SRGAP2B: variants seen among roughly 807,000 people sequenced by gnomAD.
SRGAP2B encodes SLIT-ROBO Rho GTPase activating protein 2B.
SRGAP2B carries 9 observed loss-of-function variants against 22.2 expected under a neutral mutation model. That is an observed-to-expected ratio of 0.41 (90% CI 0.24 to 0.71). The LOEUF (loss-of-function observed/expected upper bound fraction) is 0.71, where lower values mean the gene tolerates loss of function less well. SRGAP2B is among the 30% of genes least tolerant of loss of function. The pLI, the probability that SRGAP2B is intolerant of heterozygous loss-of-function variation, is 0.35. For missense variants in SRGAP2B, 114 were observed against 235.8 expected, an observed-to-expected ratio of 0.48 and a Z score of 3.38; for synonymous variants, 36 against 87.4, an observed-to-expected ratio of 0.41 and a Z score of 3.28.
chr1:145,019,708 G>T (rs1333444274), intron 2 of SRGAP2B, among the ~76,000 whole-genome samples: 1 of 123,064 alleles, frequency 8.1e-6, no homozygotes, highest in Non-Finnish European at 1.7e-5. Context: ...TTCAGAAGAC[G>T]ATAAAGATGG....
At chr1:144,962,213 AG>A (rs1465709234) in intron 3 of SRGAP2B, among the ~76,000 whole-genome samples, 1 of 94,540 alleles carries the variant, frequency 1.1e-5, no homozygotes, top group Non-Finnish European at 2.1e-5. Flanking sequence ...TGTCTTCGGT[AG>A]CCTAGACAGA....
chr1:145,090,216 G>A (rs587735796), intron 2 of SRGAP2B, among the ~76,000 whole-genome samples: 1 of 149,054 alleles, frequency 6.7e-6, no homozygotes, highest in East Asian at 1.9e-4. Context: ...AAACCAGATC[G>A]CAGGCCCTTT....
intron 4 of SRGAP2B, among the ~76,000 whole-genome samples, chr1:144,924,538 A>G (rs1664505353): frequency 6.6e-6 from 1 of 150,572 alleles, no homozygotes; most frequent in Non-Finnish European, 1.5e-5. Context: ...CAGGAGATCG[A>G]GACCAAGGTG....
intron 4 of SRGAP2B, among the ~76,000 whole-genome samples, chr1:144,934,214 G>A (rs1553606042): frequency 6.6e-6 from 1 of 150,440 alleles, no homozygotes; most frequent in East Asian, 1.9e-4. Context: ...AGACTAGCCT[G>A]GCCAACATAG....
intron 2 of SRGAP2B, among the ~76,000 whole-genome samples, chr1:145,084,059 T>C (rs1553635069): frequency 7.1e-6 from 1 of 140,266 alleles, no homozygotes; most frequent in East Asian, 2.1e-4. Flanking sequence ...GTGAGATTTC[T>C]TTCTTTCTTT....
intron 3 of SRGAP2B, among the ~76,000 whole-genome samples, chr1:144,965,936 G>A (rs1384258622): frequency 2.0e-5 from 3 of 150,278 alleles, no homozygotes; most frequent in Non-Finnish European, 4.4e-5. Context: ...GGGAAGTTTA[G>A]AGAAAAAAAG....
Position 144,990,594 on chromosome 1 carries a change from T to G in SRGAP2B, c.260+4414A>C, listed in dbSNP as rs1553616836. On this transcript the variant is annotated intron_variant, in intron 3 of 9. Transcript: ENST00000612199. ...TCCCCCCTGCACTGTGGGAGCCCCT[T>G]TCTGGGCTGGCCAAGGCTGGAGCCC... Among the ~76,000 whole-genome samples, 2 of 140,700 alleles carry G rather than the reference T, an allele frequency of 1.4e-5. 1 individual carries two copies. Among genetic ancestry groups the G allele is most frequent in the African/African-American group, 5.6e-5 (2 of 35,498 alleles). 92.3% of individuals were successfully genotyped at this position (140,700 alleles called of 152,430 possible).
intron 2 of SRGAP2B, among the ~76,000 whole-genome samples, chr1:144,997,469 G>A (rs1670784889): frequency 6.7e-6 from 1 of 149,678 alleles, no homozygotes; most frequent in South Asian, 2.1e-4. Flanking sequence ...CGTTTTTAGG[G>A]TGGAAAGGCT....
chr1:145,017,079 C>A (rs1377590290), intron 2 of SRGAP2B, among the ~76,000 whole-genome samples: 2 of 140,084 alleles, frequency 1.4e-5, no homozygotes, highest in Admixed American at 7.1e-5. Flanking sequence ...CATGCCTCAG[C>A]CTCTGGAGTA....
At chr1:145,047,175 CAAAAAAA>C (rs4058382) in intron 2 of SRGAP2B, among the ~76,000 whole-genome samples, 2 of 14,572 alleles carry the variant, frequency 1.4e-4, no homozygotes, top group Non-Finnish European at 2.1e-4. Flanking sequence ...GACTCTGTCT[CAAAAAAA>C]AAAAAAAAAA....
intron 3 of SRGAP2B, among the ~76,000 whole-genome samples, chr1:144,992,356 C>T (rs587674408): frequency 1.2e-4 from 18 of 151,178 alleles, no homozygotes; most frequent in Admixed American, 7.2e-4. Flanking sequence ...GAGATTAACA[C>T]ATCTGAACCT....
At chr1:144,957,521 C>T (rs367797840) in intron 3 of SRGAP2B, among the ~76,000 whole-genome samples, 6 of 138,420 alleles carry the variant, frequency 4.3e-5, no homozygotes, top group East Asian at 4.1e-4. Flanking sequence ...AACTCTTAAG[C>T]GTGCCAATCA....
intron 2 of SRGAP2B, among the ~76,000 whole-genome samples, chr1:145,023,431 G>GA (rs1269726308): frequency 7.4e-6 from 1 of 134,628 alleles, no homozygotes; most frequent in Admixed American, 7.6e-5. Flanking sequence ...CTAAAACCCA[G>GA]ACAAAAGATT....
chr1:144,995,000 G>C lies in SRGAP2B; in HGVS notation c.260+8C>G, dbSNP rs1379961313. 8 of 1,508,834 alleles carry C rather than the reference G, an allele frequency of 5.3e-6. No individual in the cohort carries two copies. In the African/African-American group the frequency reaches 5.8e-5, roughly 11 times the overall value. The allele number at this position is 1,508,834 out of a possible 1,614,324, so 93.5% of individuals were successfully genotyped here. ...GGTCTCAGAGAGTAATAGCCACAGAGCCCCTACTTGAATTGCTGGTCCTTG... is the reference window on the plus strand; with the variant it reads ...GGTCTCAGAGAGTAATAGCCACAGACCCCCTACTTGAATTGCTGGTCCTTG... On this transcript the variant is annotated splice_region_variant and intron_variant, in intron 3 of 9. Coordinates refer to ENST00000612199, the Ensembl canonical transcript of SRGAP2B.
chr1:144,944,867 C>A (rs1370263709), intron 4 of SRGAP2B, among the ~76,000 whole-genome samples: 1 of 148,414 alleles, frequency 6.7e-6, no homozygotes, highest in Non-Finnish European at 1.5e-5. Flanking sequence ...TCAAGTGATT[C>A]TCCTGCCTCG....
chr1:144,971,095 T>A (rs1668477881), intron 3 of SRGAP2B, among the ~76,000 whole-genome samples: 1 of 149,814 alleles, frequency 6.7e-6, no homozygotes, highest in African/African-American at 2.5e-5. Flanking sequence ...TTTCATAAAT[T>A]CCCTACTTCA....
chr1:144,995,198 T>C (rs1553618297), exon 3 of SRGAP2B: 1 of 750,076 alleles, frequency 1.3e-6, no homozygotes, highest in Middle Eastern at 3.5e-4. Context: ...TGAGCACGGA[T>C]CTCTACAACA....
Position 144,965,065 on chromosome 1 carries a change from C to G in SRGAP2B, c.261-9464G>C, listed in dbSNP as rs1370699997. ...GATACCTTGAAGAAGCTGAAGATAACAGCTGTTGACAAGACTGAGGATAGT... is the reference window on the plus strand; with the variant it reads ...GATACCTTGAAGAAGCTGAAGATAAGAGCTGTTGACAAGACTGAGGATAGT... On this transcript the variant is annotated intron_variant, in intron 3 of 9. Transcript: ENST00000612199. 2.3e-5 allele frequency: 27 copies of G among 1,183,982 alleles called. 1 individual carries two copies. The East Asian group carries it at 6.3e-4, about 28-fold the overall frequency. The allele number at this position is 1,183,982 out of a possible 1,614,324, so 73.3% of individuals were successfully genotyped here.
At position 145,076,116 on chromosome 1, in the gene SRGAP2B, T is replaced by A. The variant is rs1471983358; in HGVS notation, c.67+16719A>T. ...CAGTCCAAAGGGAGAGAAATATACA[T>A]GTATCTTCCCTAGTAAGATGCAAAA... On this transcript the variant is annotated intron_variant, in intron 2 of 9. Transcript: ENST00000612199. Among the ~76,000 whole-genome samples, 2 of 150,542 alleles carry A rather than the reference T, an allele frequency of 1.3e-5. 1 individual carries two copies. The highest frequency in any genetic ancestry group is 4.2e-4 in the South Asian group (2 of 4,782).
Sources: gnomAD v4.1 joint callset for allele counts (sites outside exome capture counted in the v4.1 genomes callset) on GRCh38, gnomAD v4.1.1 for gene constraint, MANE v1.5 for transcripts, NCBI Gene and HGNC (gene_info 2026-07-23, HGNC 2026-07-21) for gene names.